The following RASSF4 variants were observed in gnomAD, a reference collection of about 807,000 sequenced individuals.
The protein encoded by RASSF4 is Ras association domain family member 4.
Under a neutral mutation model 41.1 loss-of-function variants are expected in RASSF4, and 38 were observed. That is an observed-to-expected ratio of 0.92 (90% CI 0.71 to 1.21). The LOEUF is 1.21. RASSF4 is among the 50% of genes most tolerant of loss of function. RASSF4 has a pLI of 0.00. For synonymous variants in RASSF4, 179 were observed against 163.4 expected (o/e 1.10, Z -0.73); for missense variants, 414 against 419.4 (o/e 0.99, Z 0.11).
In RASSF4 at chr10:44,989,705, C is replaced by G. The variant is rs11540204; in HGVS notation, c.669C>G (p.Ile223Met). 5.6e-5 allele frequency: 90 copies of G among 1,614,136 alleles called. No individual in the cohort carries two copies. In the African/African-American group the frequency reaches 9.9e-4, roughly 18 times the overall value. ...GCCCCAGTGAGTTCGCACTCTACAT[C>G]GTTCACGAGTCTGGGGGTAAGTACC... ...EDGPSEFALY[I>M]VHESGERTKL... The change falls in exon 8 of 11, where the codon ATC (isoleucine) becomes ATG (methionine). Residue 223 changes from isoleucine (I) to methionine (M), a missense_variant. By Grantham distance (10) the Ile-to-Met change is conservative. Transcript: ENST00000340258.
chr10:44,985,622 CA>C (rs773721467), intron 6 of RASSF4, among the ~76,000 whole-genome samples: 49 of 152,336 alleles, frequency 3.2e-4, no homozygotes, highest in Middle Eastern at 3.4e-3. Context: ...CCAGTTGAAG[CA>C]GCTGCCCTTC....
In RASSF4 at chr10:44,984,161, G is replaced by A. The variant is rs893877075; in HGVS notation, c.373+48G>A. Reference sequence around the variant, plus strand: ...CCAGACCCCTGCCTCATCCGGGGTAGGAGCAGAGGGGCTTGGCTCACAACC... The same window carrying A: ...CCAGACCCCTGCCTCATCCGGGGTAAGAGCAGAGGGGCTTGGCTCACAACC... On this transcript the variant is annotated intron_variant, in intron 5 of 10. Transcript: ENST00000340258. The A allele has an allele frequency of 2.0e-6, 3 of 1,499,888 alleles. No individual in the cohort carries two copies. In the African/African-American group the frequency reaches 4.2e-5, roughly 21 times the overall value. The allele number at this position is 1,499,888 out of a possible 1,614,324, so 92.9% of individuals were successfully genotyped here.
At chr10:44,979,744 A>G (rs891160038) in intron 3 of RASSF4, among the ~76,000 whole-genome samples, 2 of 152,136 alleles carry the variant, frequency 1.3e-5, no homozygotes, top group Non-Finnish European at 2.9e-5. Context: ...GGAGGGGGTC[A>G]GTGGACCTTG....
chr10:44,984,449 C>T (rs1319246951), intron 5 of RASSF4: 5 of 491,678 alleles, frequency 1.0e-5, no homozygotes, highest in Non-Finnish European at 1.5e-5. Context: ...CTCGTCCTCA[C>T]CCTCTGTACC....
At chr10:44,984,763 C>T (rs1442995866) in intron 5 of RASSF4, 50 bp from the exon 6 acceptor site, 4 of 1,599,250 alleles carry the variant, frequency 2.5e-6, no homozygotes, top group East Asian at 2.2e-5. Flanking sequence ...CAGGCAGTTG[C>T]TCTGTCAGCA....
Position 44,982,262 on chromosome 10 carries a change from G to T in RASSF4, c.139-259G>T, listed in dbSNP as rs978422098. The stretch of plus-strand genomic sequence containing the variant: ...CCTGCCGGCCAGCAGCTGGCTTCCT[G>T]TGGGACACCTGACTCAGCCACTGTG... On this transcript the variant is annotated intron_variant, in intron 3 of 10. Transcript: ENST00000340258. 1.7e-5 allele frequency: 9 copies of T among 521,922 alleles called. No individual in the cohort carries two copies. The East Asian group carries it at 3.4e-4, about 20-fold the overall frequency. The allele number at this position is 521,922 out of a possible 1,614,324, so 32.3% of individuals were successfully genotyped here.
intron 3 of RASSF4, chr10:44,977,491 A>G: frequency 6.2e-7 from 1 of 1,613,156 alleles, no homozygotes; most frequent in South Asian, 1.1e-5. Flanking sequence ...CAGACTGCCC[A>G]AAAGTCCAGC....
At chr10:44,969,108 TTGTGTG>T (rs58639318) in intron 1 of RASSF4, among the ~76,000 whole-genome samples, 1 of 149,626 alleles carries the variant, frequency 6.7e-6, no homozygotes, top group Admixed American at 6.7e-5. Flanking sequence ...GCGTGTGTTT[TTGTGTG>T]TGTGTGTGTG....
chr10:44,966,653 T>G (rs1275267256), intron 1 of RASSF4, among the ~76,000 whole-genome samples: 1 of 152,196 alleles, frequency 6.6e-6, no homozygotes, highest in African/African-American at 2.4e-5. Context: ...ACATGAAATA[T>G]GGGTGTTCTG....
chr10:44,982,569 C>T lies in RASSF4; in HGVS notation c.187C>T (p.Leu63=). 2 of 1,612,754 alleles carry T rather than the reference C, an allele frequency of 1.2e-6. No homozygotes were observed. Among genetic ancestry groups the T allele is most frequent in the Non-Finnish European group, 1.7e-6 (2 of 1,179,348 alleles). ...GGGGCTCCTCAACATTGCCTGGGGG[C>T]TGAGGCGGCCCATCCGGCTGCAGAT... ...IEGLLNIAWG[L]RRPIRLQMQD... Residue 63 remains leucine (L), a synonymous_variant, in exon 4 of 11, where the codon CTG becomes TTG. Transcript: ENST00000340258.
intron 1 of RASSF4, among the ~76,000 whole-genome samples, chr10:44,966,018 A>G (rs1377727213): frequency 1.3e-5 from 2 of 152,168 alleles, no homozygotes; most frequent in African/African-American, 4.8e-5. Context: ...CTAGAAGATG[A>G]GGCTCTCTGC....
rs58639318 is a variant in RASSF4, at chr10:44,969,108, TTGTG to T, written c.-38-1039_-38-1036del. Among the ~76,000 whole-genome samples the T allele has an allele frequency of 7.4e-3, 1,103 of 149,730 alleles. 23 individuals are homozygous for T. In the East Asian group the frequency reaches 0.081, roughly 11 times the overall value. On this transcript the variant is annotated intron_variant, in intron 1 of 10. Transcript: ENST00000340258. ...CATGTGATTGTGTATGCGTGTGTTT[TTGTG>T]TGTGTGTGTGTGTGTGTATGTATGT...
intron 3 of RASSF4, chr10:44,977,740 G>A: frequency 6.2e-7 from 1 of 1,604,016 alleles, no homozygotes; most frequent in Non-Finnish European, 8.5e-7. Flanking sequence ...TATCAGCCAT[G>A]GGCAGTGTGG....
chr10:44,989,620 TC>T (rs781369428), intron 7 of RASSF4, 49 bp from the exon 8 acceptor site: 12 of 1,568,624 alleles, frequency 7.7e-6, no homozygotes, highest in Non-Finnish European at 1.1e-5. Context: ...CTCTCAGTTC[TC>T]TCCCATCTCC....
intron 3 of RASSF4, among the ~76,000 whole-genome samples, chr10:44,975,255 G>A (rs1173824991): frequency 6.6e-6 from 1 of 152,176 alleles, no homozygotes; most frequent in African/African-American, 2.4e-5. Context: ...CCAGCATCCC[G>A]CCTTGAGAGA....
chr10:44,981,688 G>C (rs1032335196), intron 3 of RASSF4: 5 of 152,272 alleles, frequency 3.3e-5, no homozygotes, highest in African/African-American at 7.2e-5. Flanking sequence ...CTTACACACA[G>C]AGTGACCGGG....
At chr10:44,982,872 C>A in intron 4 of RASSF4, 1 of 710,384 alleles carries the variant, frequency 1.4e-6, no homozygotes, top group Non-Finnish European at 2.6e-6. Context: ...TCCAGGCTCC[C>A]ATGACCTCTA....
intron 9 of RASSF4, 141 bp from the exon 10 acceptor site, chr10:44,991,764 G>T: frequency 1.6e-6 from 1 of 621,844 alleles, no homozygotes; most frequent in Non-Finnish European, 2.9e-6. Flanking sequence ...CAGCAGTGTG[G>T]GGGTGGGGTG....
chr10:44,982,825 C>T (rs1328466507), intron 4 of RASSF4, 162 bp downstream of exon 4: 7 of 800,598 alleles, frequency 8.7e-6, no homozygotes, highest in South Asian at 6.2e-5. Context: ...TCCACAGCCT[C>T]GCCCAGGGTG....
Sources: allele counts gnomAD v4.1 joint callset (sites outside exome capture counted in the v4.1 genomes callset), GRCh38; gene constraint gnomAD v4.1.1; transcripts MANE v1.5; gene names NCBI Gene and HGNC (gene_info 2026-07-23, HGNC 2026-07-21).